RBFOX1: variants seen among roughly 807,000 people sequenced by gnomAD.
The protein encoded by RBFOX1 is RNA binding fox-1 homolog 1.
RBFOX1 carries 8 observed loss-of-function variants against 57.7 expected under a neutral mutation model. The observed-to-expected ratio is 0.14, with a 90% CI of 0.08 to 0.25. The LOEUF is 0.25. Ranked by LOEUF, RBFOX1 falls within the 10% of genes least tolerant of loss-of-function variation. The pLI is 1.00. For missense variants in RBFOX1, 611 were observed against 548.5 expected, an observed-to-expected ratio of 1.11 and a Z score of -1.14; for synonymous variants, 326 against 222.4, an observed-to-expected ratio of 1.47 and a Z score of -4.15.
intron 2 of RBFOX1, among the ~76,000 whole-genome samples, chr16:6,566,827 G>T (rs568138331): frequency 3.7e-4 from 57 of 152,286 alleles, no homozygotes; most frequent in African/African-American, 1.3e-3. Context: ...ATCTGCAGTA[G>T]CAGTCGAGAC....
chr16:6,892,377 C>G (rs997654153), intron 3 of RBFOX1, among the ~76,000 whole-genome samples: 4 of 152,070 alleles, frequency 2.6e-5, no homozygotes, highest in Non-Finnish European at 1.5e-5. Flanking sequence ...CTTAAAATAT[C>G]CAAAGTCTGA....
chr16:7,376,804 G>C (rs748415519), intron 4 of RBFOX1, among the ~76,000 whole-genome samples: 2 of 152,146 alleles, frequency 1.3e-5, no homozygotes, highest in Non-Finnish European at 2.9e-5. Context: ...GATGTCCCTT[G>C]CAGTAGAGAT....
chr16:5,333,955 G>T (rs893841090), intron 1 of RBFOX1, among the ~76,000 whole-genome samples: 1 of 152,200 alleles, frequency 6.6e-6, no homozygotes, highest in South Asian at 2.1e-4. Context: ...ACATGACTTT[G>T]TAAGAGTTAA....
chr16:5,906,909 G>A (rs1203927806), intron 4 of RBFOX1, among the ~76,000 whole-genome samples: 1 of 151,446 alleles, frequency 6.6e-6, no homozygotes, highest in Non-Finnish European at 1.5e-5. Context: ...TCATTTTTTT[G>A]TATTATTAGT....
At chr16:6,617,141 G>A (rs571648157) in intron 2 of RBFOX1, among the ~76,000 whole-genome samples, 2 of 151,986 alleles carry the variant, frequency 1.3e-5, no homozygotes, top group African/African-American at 4.8e-5. Context: ...AGTGGTACAA[G>A]GAGAGGTCCT....
chr16:5,543,346 CA>C (rs1238626561), intron 2 of RBFOX1, among the ~76,000 whole-genome samples: 1 of 152,000 alleles, frequency 6.6e-6, no homozygotes, highest in Non-Finnish European at 1.5e-5. Flanking sequence ...AAAAAAGACC[CA>C]AATCAAAACT....
Position 6,088,844 on chromosome 16 carries a change from C to T in RBFOX1, c.-127+68852C>T, listed in dbSNP as rs1002702632. On this transcript the variant is annotated intron_variant, in intron 1 of 15. Coordinates refer to ENST00000550418, the MANE Select transcript of RBFOX1 (RefSeq NM_018723.4). ...AGGCGCGGTGGCTCATGCCTGTAAT[C>T]CCAGCACTTTGGGAGACCAAGGCGG... is the stretch of plus-strand genomic sequence containing the variant. 1.5e-4 allele frequency among the ~76,000 whole-genome samples: 23 copies of T among 152,078 alleles called. 1 individual carries two copies. Among genetic ancestry groups the T allele is most frequent in the African/African-American group, 5.3e-4 (22 of 41,402 alleles).
At chr16:6,931,270 A>AGCT (rs1331520178) in intron 3 of RBFOX1, among the ~76,000 whole-genome samples, 1 of 147,860 alleles carries the variant, frequency 6.8e-6, no homozygotes, top group African/African-American at 2.5e-5. Flanking sequence ...AAAAAAAAAA[A>AGCT]ATCTATCTAT....
At chr16:6,156,140 T>G (rs556761066) in intron 1 of RBFOX1, among the ~76,000 whole-genome samples, 1 of 152,184 alleles carries the variant, frequency 6.6e-6, no homozygotes, top group Non-Finnish European at 1.5e-5. Flanking sequence ...CATCCAATTT[T>G]CTAAAACATT....
At chr16:6,569,885 T>G (rs1391789226) in intron 2 of RBFOX1, among the ~76,000 whole-genome samples, 1 of 152,222 alleles carries the variant, frequency 6.6e-6, no homozygotes, top group Non-Finnish European at 1.5e-5. Context: ...TCAATCAATT[T>G]TAATCCCCTA....
At chr16:7,573,728 G>C (rs563410515) in intron 5 of RBFOX1, among the ~76,000 whole-genome samples, 11 of 152,116 alleles carry the variant, frequency 7.2e-5, no homozygotes, top group African/African-American at 2.7e-4. Flanking sequence ...CCAGCTACTC[G>C]GGAGGTTGAG....
At chr16:5,816,001 G>C (rs893571195) in intron 3 of RBFOX1, among the ~76,000 whole-genome samples, 5 of 152,166 alleles carry the variant, frequency 3.3e-5, no homozygotes, top group Admixed American at 2.0e-4. Context: ...ACAACCCTTG[G>C]GATTTCTGGG....
At position 7,607,326 on chromosome 16, in the gene RBFOX1, G is replaced by A. The variant is rs1354114119; in HGVS notation, c.664G>A (p.Glu222Lys). Residue 222 changes from glutamate (E) to lysine (K), a missense_variant, in exon 10 of 16, where the codon GAA becomes AAA. Glu to Lys is a moderately conservative substitution (Grantham distance 56). Around this residue, in one of 3 missense-constraint regions of RBFOX1, gnomAD observed 99 missense variants for 160.3 expected, o/e 0.62. Coordinates refer to ENST00000550418, the MANE Select transcript of RBFOX1 (RefSeq NM_018723.4). ...NPVVGAVYSP[E>K]FYAGTVLLCQ... The stretch of plus-strand genomic sequence containing the variant: ...AGTTGTGGGTGCAGTCTACAGTCCC[G>A]AATTCTATGCAGGTACAGAGTTTCT... 1.2e-6 allele frequency: 2 copies of A among 1,610,330 alleles called. No individual in the cohort carries two copies. The highest frequency in any genetic ancestry group is 1.3e-5 in the African/African-American group (1 of 74,778).
chr16:7,543,587 A>G (rs1211287060), intron 5 of RBFOX1, among the ~76,000 whole-genome samples: 6 of 152,162 alleles, frequency 3.9e-5, no homozygotes, highest in Non-Finnish European at 5.9e-5. Context: ...AGTCTTAGGC[A>G]TATTAAAATT....
At chr16:7,297,558 T>C (rs866021775) in intron 4 of RBFOX1, among the ~76,000 whole-genome samples, 51 of 152,162 alleles carry the variant, frequency 3.4e-4, no homozygotes, top group African/African-American at 1.2e-3. Flanking sequence ...GTTGTGGATG[T>C]TAATTATCTA....
At chr16:6,478,091 C>G (rs539077496) in intron 2 of RBFOX1, among the ~76,000 whole-genome samples, 70 of 152,236 alleles carry the variant, frequency 4.6e-4, no homozygotes, top group South Asian at 2.3e-3. Context: ...ATACTCCACA[C>G]CAGCAACAAG....
chr16:5,402,754 C>G (rs954831113), intron 1 of RBFOX1, among the ~76,000 whole-genome samples: 1 of 152,078 alleles, frequency 6.6e-6, no homozygotes, highest in Admixed American at 6.6e-5. Flanking sequence ...TAATCTCAGC[C>G]CTTTAGAATC....
At chr16:7,117,131 A>T (rs775213066) in intron 4 of RBFOX1, among the ~76,000 whole-genome samples, 5 of 152,148 alleles carry the variant, frequency 3.3e-5, no homozygotes, top group Non-Finnish European at 7.3e-5. Context: ...GTAGGGTTGA[A>T]GAAAAGATAG....
chr16:6,638,118 G>A (rs1041929537), intron 2 of RBFOX1, among the ~76,000 whole-genome samples: 1 of 152,080 alleles, frequency 6.6e-6, no homozygotes, highest in African/African-American at 2.4e-5. Flanking sequence ...GCCTGCCATT[G>A]TAAAAGAGAA....
Sources: allele counts gnomAD v4.1 joint callset (sites outside exome capture counted in the v4.1 genomes callset), GRCh38; gene constraint gnomAD v4.1.1; regional missense constraint gnomAD v4.1.1; transcripts MANE v1.5; gene names NCBI Gene and HGNC (gene_info 2026-07-23, HGNC 2026-07-21).